The following ABLIM1 variants were observed in gnomAD, a reference collection of about 807,000 sequenced individuals.
ABLIM1 encodes the protein actin binding LIM protein 1.
A neutral mutation model predicts 107.0 loss-of-function variants in ABLIM1; 40 were observed. That is an observed-to-expected ratio of 0.37 (90% CI 0.29 to 0.49). ABLIM1 has a LOEUF of 0.49. Ranked by LOEUF, ABLIM1 falls within the 20% of genes least tolerant of loss-of-function variation. ABLIM1 has a pLI of 0.97. For missense variants in ABLIM1, 857 were observed against 1,008.5 expected (o/e 0.85, Z 2.04); for synonymous variants, 357 against 357.3 (o/e 1.00, Z 0.01).
the ABLIM1 span, among the ~76,000 whole-genome samples, chr10:114,775,103 T>C: frequency 6.6e-6 from 1 of 152,052 alleles, no homozygotes; most frequent in Admixed American, 6.5e-5. Flanking sequence ...CCTCTTCACA[T>C]GGTGGCAGGA....
At chr10:114,456,789 T>C (rs1275777346) in intron 12 of ABLIM1, among the ~76,000 whole-genome samples, 1 of 152,216 alleles carries the variant, frequency 6.6e-6, no homozygotes, top group African/African-American at 2.4e-5. Flanking sequence ...TTCTTGAATA[T>C]GGTCAAAGCC....
chr10:114,510,564 T>C (rs1196105578), intron 6 of ABLIM1, among the ~76,000 whole-genome samples: 3 of 152,062 alleles, frequency 2.0e-5, no homozygotes, highest in South Asian at 2.1e-4. Flanking sequence ...TATTTTTTTG[T>C]ATAAAATAGT....
intron 6 of ABLIM1, among the ~76,000 whole-genome samples, chr10:114,515,114 A>C (rs2136188865): frequency 6.6e-6 from 1 of 152,348 alleles, no homozygotes; most frequent in South Asian, 2.1e-4. Context: ...AAGTCATGAC[A>C]AGGGTCATTT....
At chr10:114,540,970 A>G (rs1205605364) in intron 6 of ABLIM1, among the ~76,000 whole-genome samples, 3 of 152,180 alleles carry the variant, frequency 2.0e-5, no homozygotes, top group Non-Finnish European at 4.4e-5. Flanking sequence ...GGATCTTGAG[A>G]TGGTGAGGTC....
chr10:114,627,803 G>A (rs1010216696), intron 1 of ABLIM1, among the ~76,000 whole-genome samples: 1 of 152,162 alleles, frequency 6.6e-6, no homozygotes, highest in African/African-American at 2.4e-5. Flanking sequence ...GAGCTGTGGT[G>A]GTCTGATTGA....
At chr10:114,577,665 C>T (rs1016822902) in intron 2 of ABLIM1, among the ~76,000 whole-genome samples, 1 of 152,098 alleles carries the variant, frequency 6.6e-6, no homozygotes, top group Non-Finnish European at 1.5e-5. Flanking sequence ...CATAACATAG[C>T]CTTAAAAAAT....
chr10:114,625,043 T>A lies in ABLIM1; in HGVS notation c.245-23082A>T, dbSNP rs545831221. Among the ~76,000 whole-genome samples, 58 of 152,336 alleles carry A rather than the reference T, an allele frequency of 3.8e-4. 1 individual carries two copies. The highest frequency in any genetic ancestry group is 1.3e-3 in the African/African-American group (52 of 41,584). The stretch of plus-strand genomic sequence containing the variant: ...CAAGAACAATTTATTTTGAAACTTG[T>A]AGCCTTGTAGTGTCTCCTTTAATCT... On this transcript the variant is annotated intron_variant, in intron 1 of 22. Transcript: ENST00000533213.
At chr10:114,543,396 T>C (rs1200933176) in intron 6 of ABLIM1, among the ~76,000 whole-genome samples, 7 of 152,236 alleles carry the variant, frequency 4.6e-5, no homozygotes, top group African/African-American at 1.7e-4. Flanking sequence ...ATATTTTATA[T>C]AAATGGCATC....
intron 1 of ABLIM1, among the ~76,000 whole-genome samples, chr10:114,729,619 A>G (rs1323935884): frequency 6.6e-6 from 1 of 152,126 alleles, no homozygotes; most frequent in Admixed American, 6.5e-5. Context: ...TCTGGACACA[A>G]ATCCAAGGTG....
At chr10:114,446,022 T>C (rs1300101383) in intron 15 of ABLIM1, among the ~76,000 whole-genome samples, 1 of 152,220 alleles carries the variant, frequency 6.6e-6, no homozygotes. Flanking sequence ...TCCTCCTGCC[T>C]TGGCCTCCAA....
chr10:114,734,344 T>C (rs2082135817), intron 1 of ABLIM1, among the ~76,000 whole-genome samples: 1 of 152,158 alleles, frequency 6.6e-6, no homozygotes. Flanking sequence ...GCCTTTCTGT[T>C]TACACAGCTA....
At chr10:114,764,119 C>T (rs988271874) in intron 1 of ABLIM1, among the ~76,000 whole-genome samples, 1 of 152,182 alleles carries the variant, frequency 6.6e-6, no homozygotes, top group Non-Finnish European at 1.5e-5. Context: ...GTTATAATTT[C>T]CTCTAGCTGG....
chr10:114,733,639 A>C (rs2082121233), intron 1 of ABLIM1, among the ~76,000 whole-genome samples: 2 of 152,142 alleles, frequency 1.3e-5, no homozygotes, highest in Admixed American at 1.3e-4. Flanking sequence ...GGGGAAATCA[A>C]TTAATAACAT....
chr10:114,773,073 G>C, the ABLIM1 span, among the ~76,000 whole-genome samples: 2 of 151,946 alleles, frequency 1.3e-5, no homozygotes, highest in Admixed American at 1.3e-4. Context: ...TAGAGGTTAA[G>C]ATATATTGAC....
chr10:114,530,373 A>G (rs2065321808), intron 6 of ABLIM1, among the ~76,000 whole-genome samples: 1 of 152,122 alleles, frequency 6.6e-6, no homozygotes, highest in South Asian at 2.1e-4. Context: ...AGTCTGGGTA[A>G]ATGTGCTGGG....
chr10:114,498,809 C>T (rs1454146027), intron 6 of ABLIM1, among the ~76,000 whole-genome samples: 2 of 152,226 alleles, frequency 1.3e-5, no homozygotes, highest in Non-Finnish European at 2.9e-5. Flanking sequence ...AAAAGAGGAA[C>T]TGATAGGCTG....
the ABLIM1 span, among the ~76,000 whole-genome samples, chr10:114,791,404 C>G: frequency 2.0e-4 from 31 of 152,182 alleles, no homozygotes; most frequent in African/African-American, 7.5e-4. Flanking sequence ...TTTGGGAGGC[C>G]AAAGCCGGCG....
At chr10:114,618,673 C>T (rs1232617284) in intron 1 of ABLIM1, among the ~76,000 whole-genome samples, 2 of 152,234 alleles carry the variant, frequency 1.3e-5, no homozygotes, top group African/African-American at 4.8e-5. Flanking sequence ...AGGCAAGGCA[C>T]AGGCCCTGTC....
At chr10:114,734,632 C>T (rs1195610708) in intron 1 of ABLIM1, among the ~76,000 whole-genome samples, 1 of 151,554 alleles carries the variant, frequency 6.6e-6, no homozygotes, top group Admixed American at 6.6e-5. Flanking sequence ...GAAGACTTCC[C>T]AGACCACTGG....
Sources: gnomAD v4.1 joint callset for allele counts (sites outside exome capture counted in the v4.1 genomes callset) on GRCh38, gnomAD v4.1.1 for gene constraint, MANE v1.5 for transcripts, NCBI Gene and HGNC (gene_info 2026-07-23, HGNC 2026-07-21) for gene names.